The following LUZP2 variants were observed in gnomAD, a reference collection of about 807,000 sequenced individuals.
The protein encoded by LUZP2 is leucine zipper protein 2.
In LUZP2, 52 loss-of-function variants were observed where a neutral mutation model predicts 51.6. The ratio of observed to expected loss-of-function variants is 1.01; its 90% confidence interval spans 0.81 to 1.27. The LOEUF (loss-of-function observed/expected upper bound fraction) is 1.27. LUZP2 is among the 50% of genes most tolerant of loss of function. The pLI is 0.00. For missense variants in LUZP2, 436 were observed against 395.4 expected (o/e 1.10, Z -0.87); for synonymous variants, 154 against 137.3 (o/e 1.12, Z -0.85).
intron 9 of LUZP2, among the ~76,000 whole-genome samples, chr11:24,995,592 T>A (rs1041211792): frequency 6.6e-6 from 1 of 152,068 alleles, no homozygotes; most frequent in Non-Finnish European, 1.5e-5. Context: ...CTGAATTTAG[T>A]AAGCTAGGTT....
At chr11:25,047,377 A>C (rs369352279) in intron 9 of LUZP2, among the ~76,000 whole-genome samples, 176 of 10,380 alleles carry the variant, frequency 0.017, 3 homozygotes, top group African/African-American at 0.023. Flanking sequence ...TCTTTTTTTT[A>C]TTTTTTTTAA....
chr11:24,571,557 A>G (rs569476735), intron 1 of LUZP2, among the ~76,000 whole-genome samples: 3 of 152,196 alleles, frequency 2.0e-5, no homozygotes, highest in African/African-American at 7.2e-5. Flanking sequence ...TTTGTGTTCA[A>G]AAAGAAGAGT....
At chr11:24,932,565 T>G (rs937126583) in intron 7 of LUZP2, among the ~76,000 whole-genome samples, 12 of 152,106 alleles carry the variant, frequency 7.9e-5, no homozygotes, top group Non-Finnish European at 1.5e-4. Flanking sequence ...TCATGCAGGC[T>G]GCCAGGGAAG....
chr11:24,527,506 C>G lies in LUZP2; in HGVS notation c.62+30201C>G, dbSNP rs147236745. ...TATTTCAGGCCATAGTACATTAATG[C>G]TAACAAAAGTGTGAGAATCTCCTTT... On this transcript the variant is annotated intron_variant, in intron 1 of 11. Coordinates refer to ENST00000336930, the MANE Select transcript of LUZP2 (RefSeq NM_001009909.4). Among the ~76,000 whole-genome samples the G allele has an allele frequency of 5.0e-4, 76 of 150,696 alleles. No individual in the cohort carries two copies. In the Middle Eastern group the frequency reaches 0.017, roughly 34 times the overall value.
chr11:24,912,204 T>C (rs1174505139), intron 6 of LUZP2, among the ~76,000 whole-genome samples: 1 of 151,228 alleles, frequency 6.6e-6, no homozygotes, highest in African/African-American at 2.4e-5. Context: ...CCTCTTTACC[T>C]CCCCCTTTCT....
intron 1 of LUZP2, among the ~76,000 whole-genome samples, chr11:24,603,284 C>T (rs539101009): frequency 6.6e-6 from 1 of 151,880 alleles, no homozygotes; most frequent in South Asian, 2.1e-4. Flanking sequence ...TGTATTATTT[C>T]AAAACTTATT....
rs1302733346 is a variant in LUZP2, at chr11:25,080,347, G to C, written c.*1689G>C. The C allele has an allele frequency of 1.3e-5, 2 of 152,066 alleles. No individual in the cohort carries two copies. Among genetic ancestry groups the C allele is most frequent in the Admixed American group, 6.5e-5 (1 of 15,268 alleles). 9.4% of individuals were successfully genotyped at this position (152,066 alleles called of 1,614,324 possible). A position where few individuals can be genotyped will look rare whatever the true frequency, so the allele number is the denominator to read the frequency against. On this transcript the variant is annotated 3_prime_UTR_variant, in exon 12 of 12. Transcript: ENST00000336930. ...TTTAAGCAGGTTTAAGTTAGGGTGG[G>C]CTATGATTTTCCATTTAGGTATCTG...
intron 1 of LUZP2, among the ~76,000 whole-genome samples, chr11:24,719,735 A>G (rs1565097355): frequency 6.6e-6 from 1 of 152,200 alleles, no homozygotes; most frequent in African/African-American, 2.4e-5. Flanking sequence ...TTGCTTTGTA[A>G]CTGATACTGT....
At chr11:24,849,302 C>T (rs1429473356) in intron 5 of LUZP2, among the ~76,000 whole-genome samples, 1 of 152,010 alleles carries the variant, frequency 6.6e-6, no homozygotes, top group Non-Finnish European at 1.5e-5. Context: ...ATCAACAGGC[C>T]CCGGTGTGTG....
At chr11:24,624,426 G>C (rs1854608557) in intron 1 of LUZP2, among the ~76,000 whole-genome samples, 1 of 151,956 alleles carries the variant, frequency 6.6e-6, no homozygotes, top group Admixed American at 6.6e-5. Context: ...AAAATAGCTG[G>C]TTAAACATTT....
intron 10 of LUZP2, among the ~76,000 whole-genome samples, chr11:25,059,709 C>G (rs1166420662): frequency 2.6e-5 from 4 of 152,052 alleles, no homozygotes; most frequent in African/African-American, 9.7e-5. Context: ...TATTTTCTTT[C>G]CCTGTTAAAT....
intron 9 of LUZP2, among the ~76,000 whole-genome samples, chr11:25,002,268 C>G (rs887431855): frequency 6.6e-6 from 1 of 152,210 alleles, no homozygotes; most frequent in Non-Finnish European, 1.5e-5. Flanking sequence ...ATCCCATTCT[C>G]CACAAATGAA....
rs964515976 is a variant in LUZP2 at position 24,602,274 on chromosome 11, A to G, written c.62+104969A>G. The stretch of plus-strand genomic sequence containing the variant: ...TATATGCAAACATATATGTACATAC[A>G]TATATACACACATATATATGTACAT... On this transcript the variant is annotated intron_variant, in intron 1 of 11. Coordinates refer to ENST00000336930, the MANE Select transcript of LUZP2 (RefSeq NM_001009909.4). Among the ~76,000 whole-genome samples, 245 of 137,386 alleles carry G rather than the reference A, an allele frequency of 1.8e-3. 1 individual carries two copies. Among genetic ancestry groups the G allele is most frequent in the Middle Eastern group, 4.0e-3 (1 of 248 alleles). 90.1% of individuals were successfully genotyped at this position (137,386 alleles called of 152,430 possible).
intron 8 of LUZP2, among the ~76,000 whole-genome samples, chr11:24,977,663 A>G (rs1442321286): frequency 1.3e-5 from 2 of 151,672 alleles, no homozygotes; most frequent in Non-Finnish European, 3.0e-5. Context: ...TATATGCTTT[A>G]CATATGTATG....
chr11:24,811,208 A>C (rs1195472158), intron 5 of LUZP2, among the ~76,000 whole-genome samples: 1 of 152,092 alleles, frequency 6.6e-6, no homozygotes, highest in Non-Finnish European at 1.5e-5. Context: ...CTAGCCACCA[A>C]ATTTAGAAGT....
chr11:24,624,867 G>A (rs1053562801), intron 1 of LUZP2, among the ~76,000 whole-genome samples: 1 of 152,060 alleles, frequency 6.6e-6, no homozygotes, highest in South Asian at 2.1e-4. Context: ...TTATTATTAG[G>A]CTGTATTTGA....
chr11:24,976,526 CAG>C, intron 7 of LUZP2, 63 bp from the exon 8 acceptor site: 1 of 1,001,264 alleles, frequency 1.0e-6, no homozygotes, highest in Non-Finnish European at 1.4e-6. Flanking sequence ...CAATATATGA[CAG>C]ATGCTTAAAG....
chr11:24,606,779 G>T lies in LUZP2; in HGVS notation c.62+109474G>T, dbSNP rs192586998. On this transcript the variant is annotated intron_variant, in intron 1 of 11. Coordinates refer to ENST00000336930, the MANE Select transcript of LUZP2 (RefSeq NM_001009909.4). ...TTACACTTCCATCAACAATGTAAAG[G>T]TTCTTTTTTCTCCACCTACTTGCCA... Among the ~76,000 whole-genome samples, 582 of 152,054 alleles carry T rather than the reference G, an allele frequency of 3.8e-3. 4 individuals carry two copies. Among genetic ancestry groups the T allele is most frequent in the Non-Finnish European group, 6.5e-3 (444 of 67,902 alleles).
chr11:24,533,397 T>C (rs2133828818), intron 1 of LUZP2, among the ~76,000 whole-genome samples: 1 of 151,490 alleles, frequency 6.6e-6, no homozygotes, highest in Non-Finnish European at 1.5e-5. Context: ...GAAATTGATA[T>C]TTTCATATTC....
Sources: gnomAD v4.1 joint callset for allele counts (sites outside exome capture counted in the v4.1 genomes callset) on GRCh38, gnomAD v4.1.1 for gene constraint, MANE v1.5 for transcripts, NCBI Gene and HGNC (gene_info 2026-07-23, HGNC 2026-07-21) for gene names.